The following PLK2 variants were observed in gnomAD, a reference collection of about 807,000 sequenced individuals.
The protein encoded by PLK2 is polo like kinase 2, also known as serine/threonine-protein kinase PLK2.
PLK2 carries 25 observed loss-of-function variants against 78.1 expected under a neutral mutation model. The observed-to-expected ratio is 0.32, with a 90% CI of 0.23 to 0.45. The LOEUF (loss-of-function observed/expected upper bound fraction) is 0.45, where lower values mean the gene tolerates loss of function less well. Ranked by LOEUF, PLK2 falls within the 20% of genes least tolerant of loss-of-function variation. The pLI is 1.00. For synonymous variants in PLK2, 332 were observed against 298.2 expected (o/e 1.11, Z -1.17); for missense variants, 566 against 840.2 (o/e 0.67, Z 4.04).
Position 58,459,876 on chromosome 5 carries a change from C to A in PLK2, c.84G>T (p.Ala28=), listed in dbSNP as rs3211270. 1 of 1,611,024 alleles carries A rather than the reference C, an allele frequency of 6.2e-7. No individual in the cohort carries two copies. Among genetic ancestry groups the A allele is most frequent in the East Asian group, 2.2e-5 (1 of 44,836 alleles). Residue 28 remains alanine (A), a synonymous_variant, in exon 1 of 14, where the codon GCG becomes GCT. Coordinates refer to ENST00000274289, the MANE Select transcript of PLK2 (RefSeq NM_006622.4). ...CEQALGKGCG[A]DSKKKRPPQP... ...GCGGCGGCCGCTTCTTCTTCGAGTC[C>A]GCTCCGCAACCCTTGCCCAGCGCCT... is the stretch of plus-strand genomic sequence containing the variant.
rs564338118 is a variant in PLK2, at chr5:58,459,321, G to A, written c.271-229C>T. On this transcript the variant is annotated intron_variant, in intron 1 of 13. Coordinates refer to ENST00000274289, the MANE Select transcript of PLK2 (RefSeq NM_006622.4). Reference sequence around the variant, plus strand: ...AGTTTCTCTTCTTCTTTTATAAAGGGGAGCTTTATGGAGGGAGTTGGAACG... The same window carrying A: ...AGTTTCTCTTCTTCTTTTATAAAGGAGAGCTTTATGGAGGGAGTTGGAACG... 3.1e-4 allele frequency: 179 copies of A among 578,886 alleles called. 2 individuals are homozygous for A. The South Asian group carries it at 4.0e-3, about 13-fold the overall frequency. 35.9% of individuals were successfully genotyped at this position (578,886 alleles called of 1,614,324 possible). A position where few individuals can be genotyped will look rare whatever the true frequency, so the allele number is the denominator to read the frequency against.
intron 5 of PLK2, 39 bp downstream of exon 5, chr5:58,458,045 C>T (rs768704399): frequency 1.6e-6 from 2 of 1,264,442 alleles, no homozygotes. Flanking sequence ...TATTTGGTCT[C>T]CACAAAAGTC....
At position 58,454,040 on chromosome 5, in the gene PLK2, A is replaced by C. The variant is rs538344853; in HGVS notation, c.*543T>G. 1 of 152,774 alleles carries C rather than the reference A, an allele frequency of 6.5e-6. No homozygotes were observed. Among genetic ancestry groups the C allele is most frequent in the East Asian group, 1.9e-4 (1 of 5,182 alleles). 9.5% of individuals were successfully genotyped at this position (152,774 alleles called of 1,614,324 possible). On this transcript the variant is annotated 3_prime_UTR_variant, in exon 14 of 14. Coordinates refer to ENST00000274289, the MANE Select transcript of PLK2 (RefSeq NM_006622.4). ...TTTAAAATGGTCAACATAAAAAAAAAGACATTTTGATAATAAATACTGCTC... is the reference window on the plus strand; with the variant it reads ...TTTAAAATGGTCAACATAAAAAAAACGACATTTTGATAATAAATACTGCTC...
In PLK2 at chr5:58,459,804, G is replaced by C; in HGVS notation, c.156C>G (p.Pro52=). 1 of 1,609,144 alleles carries C rather than the reference G, an allele frequency of 6.2e-7. No homozygotes were observed. Among genetic ancestry groups the C allele is most frequent in the Non-Finnish European group, 8.5e-7 (1 of 1,179,856 alleles). Residue 52 remains proline (P), a synonymous_variant, in exon 1 of 14, where the codon CCC becomes CCG. Coordinates refer to ENST00000274289, the MANE Select transcript of PLK2 (RefSeq NM_006622.4). ...GGTGATGGTGGTGAGGGGCCGCCGG[G>C]GGCACTTGCGCCTGGGACTGAGGTG... The part of the protein sequence containing the change: ...SQPPQSQAQV[P]PAAPHHHHHH...
intron 9 of PLK2, 32 bp downstream of exon 9, chr5:58,456,459 CG>C: frequency 8.3e-7 from 1 of 1,198,544 alleles, no homozygotes; most frequent in African/African-American, 1.5e-5. Flanking sequence ...TAACGTAAAG[CG>C]TGAGTATCTA....
At chr5:58,459,180 G>T in intron 1 of PLK2, 88 bp from the exon 2 acceptor site, 1 of 687,440 alleles carries the variant, frequency 1.5e-6, no homozygotes, top group Non-Finnish European at 2.4e-6. Context: ...TGGGAAGAAA[G>T]AAAAGCAAAA....
chr5:58,458,326 A>T, intron 4 of PLK2, 73 bp downstream of exon 4: 1 of 1,509,386 alleles, frequency 6.6e-7, no homozygotes, highest in Non-Finnish European at 9.2e-7. Flanking sequence ...TAAGAACATT[A>T]ATATGTAAAA....
Position 58,457,254 on chromosome 5 carries a change from G to C in PLK2, c.935C>G (p.Ala312Gly), listed in dbSNP as rs1234436072. 3 of 1,614,012 alleles carry C rather than the reference G, an allele frequency of 1.9e-6. No homozygotes were observed. Among genetic ancestry groups the C allele is most frequent in the Admixed American group, 1.7e-5 (1 of 60,030 alleles). Reference protein sequence around the residue: ...SLLAPAKHLIASMLSKNPEDR... With the variant: ...SLLAPAKHLIGSMLSKNPEDR... ...CTCTGGGTTTTTGGACAACATACTA[G>C]CAATTAAGTGCTTGGCAGGAGCCAG... Residue 312 changes from alanine (A) to glycine (G), a missense_variant, in exon 7 of 14, where the codon GCT becomes GGT. Transcript: ENST00000274289.
In PLK2 at chr5:58,460,000, G is replaced by C. The variant is rs191435553; in HGVS notation, c.-41C>G. The C allele has an allele frequency of 5.9e-3, 9,169 of 1,541,874 alleles. 33 individuals carry two copies. Among genetic ancestry groups the C allele is most frequent in the Non-Finnish European group, 7.3e-3 (8,359 of 1,145,138 alleles). ...CCGCACTGCCCGCTGCCACCCCCTA[G>C]GCGCGGTCACACGTCCGAGCCGGCC... On this transcript the variant is annotated 5_prime_UTR_variant, in exon 1 of 14. Coordinates refer to ENST00000274289, the MANE Select transcript of PLK2 (RefSeq NM_006622.4).
At chr5:58,455,463 C>G (rs1743572493) in intron 11 of PLK2, 49 bp from the exon 12 acceptor site, 1 of 1,610,506 alleles carries the variant, frequency 6.2e-7, no homozygotes, top group Admixed American at 1.7e-5. Flanking sequence ...AAAATAGAAG[C>G]AGTTAATCAT....
intron 9 of PLK2, 127 bp downstream of exon 9, chr5:58,456,365 G>T: frequency 1.2e-6 from 1 of 807,078 alleles, no homozygotes; most frequent in Non-Finnish European, 2.0e-6. Context: ...CCTTTCAAAG[G>T]GTTTGAAGAA....
Position 58,456,514 on chromosome 5 carries a change from G to A in PLK2, c.1232C>T (p.Pro411Leu). 6.2e-7 allele frequency: 1 copy of A among 1,610,496 alleles called. No homozygotes were observed. Among genetic ancestry groups the A allele is most frequent in the South Asian group, 1.1e-5 (1 of 90,964 alleles). The change falls in exon 9 of 14, where the codon CCC becomes CTC. Residue 411 changes from proline (P) to leucine (L), a missense_variant. Pro to Leu is a moderately conservative substitution (Grantham distance 98, BLOSUM62 -3). This residue lies in a region of PLK2 where 129 missense variants were observed against 156.0 expected (regional missense o/e 0.83). Transcript: ENST00000274289. ...CACCTCATCTGTCCTGTGTTTGCTG[G>A]GTTGCTGAGTTATTGAAGTCTTTTT... ...DLKKTSITQQ[P>L]SKHRTDEELQ...
intron 2 of PLK2, 36 bp from the exon 3 acceptor site, chr5:58,458,877 C>T: frequency 7.2e-7 from 1 of 1,396,474 alleles, no homozygotes; most frequent in South Asian, 1.2e-5. Flanking sequence ...TATTAGCTTC[C>T]AGTCACCTCG....
Position 58,456,083 on chromosome 5 carries a change from C to A in PLK2, c.1327G>T (p.Asp443Tyr). The A allele has an allele frequency of 6.2e-7, 1 of 1,613,960 alleles. No homozygotes were observed. Among genetic ancestry groups the A allele is most frequent in the African/African-American group, 1.3e-5 (1 of 75,016 alleles). ...CCTCTGACTATCATCCGAATAGCAT[C>A]CCCAATCTGCTGCTTGTTTTCTACT... ...PAVENKQQIG[D>Y]AIRMIVRGTL... The change falls in exon 10 of 14, where the codon GAT becomes TAT. Residue 443 changes from aspartate to tyrosine, a missense_variant. This residue lies in a region of PLK2 where 129 missense variants were observed against 156.0 expected (regional missense o/e 0.83). Coordinates refer to ENST00000274289, the MANE Select transcript of PLK2 (RefSeq NM_006622.4).
At chr5:58,457,461 T>C (rs1379557225) in intron 6 of PLK2, 27 bp downstream of exon 6, 2 of 1,594,262 alleles carry the variant, frequency 1.3e-6, no homozygotes, top group East Asian at 2.2e-5. Flanking sequence ...GAATTTGCTT[T>C]TTAATTATTC....
chr5:58,457,984 T>C lies in PLK2; in HGVS notation c.713+100A>G, dbSNP rs185041008. On this transcript the variant is annotated intron_variant, in intron 5 of 13. Transcript: ENST00000274289. ...TTTAAATTAACATTGCTATGATTTA[T>C]AGATTTTATTACCGGACCTCTGAAA... 8 of 791,246 alleles carry C rather than the reference T, an allele frequency of 1.0e-5. No individual in the cohort carries two copies. In the Admixed American group the frequency reaches 1.4e-4, roughly 14 times the overall value. The allele number at this position is 791,246 out of a possible 1,614,324, so 49.0% of individuals were successfully genotyped here. A position where few individuals can be genotyped will look rare whatever the true frequency, so the allele number is the denominator to read the frequency against.
chr5:58,455,447 G>GA (rs745927586), intron 11 of PLK2, 33 bp from the exon 12 acceptor site: 274 of 1,579,558 alleles, frequency 1.7e-4, no homozygotes, highest in Non-Finnish European at 1.9e-4. Flanking sequence ...GAGAGAAGAG[G>GA]AAAAAAAAAT....
intron 1 of PLK2, 93 bp from the exon 2 acceptor site, chr5:58,459,185 GC>G: frequency 1.2e-5 from 8 of 676,214 alleles, no homozygotes; most frequent in South Asian, 3.9e-5. Context: ...AGAAAGAAAA[GC>G]AAAAAAAAAA....
At chr5:58,456,182 G>A (rs970233201) in intron 9 of PLK2, 27 bp from the exon 10 acceptor site, 3 of 1,599,052 alleles carry the variant, frequency 1.9e-6, no homozygotes, top group Non-Finnish European at 8.5e-7. Context: ...TTTATGCAAT[G>A]AGTCAAGCAT....
Sources: allele counts gnomAD v4.1 joint callset, GRCh38; gene constraint gnomAD v4.1.1; regional missense constraint gnomAD v4.1.1; transcripts MANE v1.5; gene names NCBI Gene and HGNC (gene_info 2026-07-23, HGNC 2026-07-21).